TUBGCP6: variants seen among roughly 807,000 people sequenced by gnomAD.
TUBGCP6 encodes gamma-tubulin complex component 6.
Under a neutral mutation model 175.8 loss-of-function variants are expected in TUBGCP6, and 161 were observed. That is an observed-to-expected ratio of 0.92 (90% CI 0.81 to 1.04). The LOEUF is 1.04. Among genes scored for constraint, TUBGCP6 ranks in the 50% least tolerant of loss-of-function variants. TUBGCP6 has a pLI of 0.00. For missense variants in TUBGCP6, 2,572 were observed against 2,433.0 expected (o/e 1.06, Z -1.20); for synonymous variants, 1,173 against 1,030.5 (o/e 1.14, Z -2.65).
At chr22:50,240,114 G>C (rs948706106) in intron 2 of TUBGCP6, 90 bp downstream of exon 2, 1 of 1,555,300 alleles carries the variant, frequency 6.4e-7, no homozygotes, top group African/African-American at 1.4e-5. Flanking sequence ...CTGGACCCCT[G>C]AGTACACAAC....
Position 50,219,040 on chromosome 22 carries a change from C to A in TUBGCP6, c.4626+28G>T, listed in dbSNP as rs137904544. On this transcript the variant is annotated intron_variant, in intron 20 of 24. Coordinates refer to ENST00000248846, the MANE Select transcript of TUBGCP6 (RefSeq NM_020461.4). ...TTTTCCCACGGCCTCCCCTCTACCACTGGCCCCACCCCGTGTCCGGAGGCC... is the reference window on the plus strand; with the variant it reads ...TTTTCCCACGGCCTCCCCTCTACCAATGGCCCCACCCCGTGTCCGGAGGCC... 4.9e-4 allele frequency: 789 copies of A among 1,610,380 alleles called. 5 individuals are homozygous for A. The highest frequency in any genetic ancestry group is 6.2e-4 in the Middle Eastern group (3 of 4,824).
At chr22:50,231,878 A>C (rs1302116598) in intron 3 of TUBGCP6, among the ~76,000 whole-genome samples, 1 of 151,562 alleles carries the variant, frequency 6.6e-6, no homozygotes, top group African/African-American at 2.4e-5. Context: ...AAAAAAAGAA[A>C]AGATGACTAT....
intron 5 of TUBGCP6, 112 bp downstream of exon 5, chr22:50,227,795 G>C: frequency 6.9e-6 from 10 of 1,442,456 alleles, no homozygotes; most frequent in Non-Finnish European, 9.3e-6. Flanking sequence ...GCCTGCTGAG[G>C]GCTGTTCTCA....
chr22:50,239,213 G>A (rs2064811389), intron 2 of TUBGCP6, among the ~76,000 whole-genome samples: 1 of 152,160 alleles, frequency 6.6e-6, no homozygotes, highest in Non-Finnish European at 1.5e-5. Flanking sequence ...ATCTCACTCT[G>A]TCACCCAGGC....
At position 50,233,321 on chromosome 22, in the gene TUBGCP6, A is replaced by G; in HGVS notation, c.1111T>C (p.Cys371Arg). The G allele has an allele frequency of 6.2e-7, 1 of 1,612,748 alleles. No individual in the cohort carries two copies. Among genetic ancestry groups the G allele is most frequent in the East Asian group, 2.2e-5 (1 of 44,742 alleles). The change falls in exon 3 of 25, where the codon TGC becomes CGC. Residue 371 changes from cysteine (C) to arginine (R), a missense_variant. Coordinates refer to ENST00000248846, the MANE Select transcript of TUBGCP6 (RefSeq NM_020461.4). The stretch of plus-strand genomic sequence containing the variant: ...GGGGAGTGAGCAGTTCTCACCTGGC[A>G]GAGCGAAAACGTGGCAGACACGACC... Reference protein sequence around the residue: ...IGVVSATFSLCQPAQAFVVKR... With the variant: ...IGVVSATFSLRQPAQAFVVKR...
At chr22:50,242,091 G>A (rs74845370) in intron 1 of TUBGCP6, among the ~76,000 whole-genome samples, 3,595 of 150,876 alleles carry the variant, frequency 0.024, 88 homozygotes, top group East Asian at 0.12. Flanking sequence ...AGGAGATAGA[G>A]ACCATCCTGG....
intron 3 of TUBGCP6, among the ~76,000 whole-genome samples, chr22:50,230,340 C>T (rs550639699): frequency 1.3e-5 from 2 of 152,198 alleles, no homozygotes; most frequent in East Asian, 1.9e-4. Flanking sequence ...GGCATGGTGG[C>T]TCACGCCTGT....
chr22:50,233,649 T>G, intron 2 of TUBGCP6, 123 bp from the exon 3 acceptor site: 14 of 955,064 alleles, frequency 1.5e-5, no homozygotes, highest in Non-Finnish European at 1.9e-5. Context: ...CAATAAACTC[T>G]AAGAAACATA....
At chr22:50,224,030 G>GT (rs2064567806) in intron 13 of TUBGCP6, 111 bp downstream of exon 13, 1 of 943,186 alleles carries the variant, frequency 1.1e-6, no homozygotes, top group African/African-American at 1.6e-5. Flanking sequence ...CTACCTTAAT[G>GT]TATGTTTGAA....
intron 18 of TUBGCP6, 74 bp downstream of exon 18, chr22:50,219,570 C>T (rs910764426): frequency 2.1e-5 from 34 of 1,592,978 alleles, no homozygotes; most frequent in Non-Finnish European, 2.9e-5. Context: ...TCCGCCCCAA[C>T]CCACAGGAGG....
chr22:50,220,137 T>C (rs2064491859), intron 16 of TUBGCP6, 114 bp downstream of exon 16: 1 of 1,549,442 alleles, frequency 6.5e-7, no homozygotes, highest in African/African-American at 1.4e-5. Flanking sequence ...AGGTCCTGGC[T>C]GACAAGGAGG....
rs369748358 is a variant in TUBGCP6 at position 50,219,059 on chromosome 22, G to A, written c.4626+9C>T. On this transcript the variant is annotated intron_variant, in intron 20 of 24. Coordinates refer to ENST00000248846, the MANE Select transcript of TUBGCP6 (RefSeq NM_020461.4). ...CTACCACTGGCCCCACCCCGTGTCC[G>A]GAGGCCACCTTCTCAAAGAGCAGGT... The A allele has an allele frequency of 4.7e-5, 76 of 1,611,502 alleles. No homozygotes were observed. Among genetic ancestry groups the A allele is most frequent in the East Asian group, 2.9e-4 (13 of 44,868 alleles).
rs745400197 is a variant in TUBGCP6 at position 50,243,833 on chromosome 22, G to T, written c.627C>A (p.Asp209Glu). ...GGGCCCCGAAGAGCGAGACCCGGGTGTCTCTCTCGAACCTGTCACCACAAG... is the reference window on the plus strand; with the variant it reads ...GGGCCCCGAAGAGCGAGACCCGGGTTTCTCTCTCGAACCTGTCACCACAAG... ...GDPCGDRFER[D>E]TRVSLFGALV... The change falls in exon 1 of 25, where the codon GAC (aspartate) becomes GAA (glutamate). Residue 209 changes from aspartate to glutamate, a missense_variant. Physicochemically the swap from Asp to Glu is conservative, Grantham distance 45. Coordinates refer to ENST00000248846, the MANE Select transcript of TUBGCP6 (RefSeq NM_020461.4). 1.2e-6 allele frequency: 2 copies of T among 1,613,624 alleles called. No individual in the cohort carries two copies. Among genetic ancestry groups the T allele is most frequent in the Admixed American group, 1.7e-5 (1 of 60,004 alleles).
chr22:50,224,350 T>C lies in TUBGCP6; in HGVS notation c.2136A>G (p.Gln712=), dbSNP rs1281069626. ...TACCCACCTCCTGGTCCTTCACAAATTGTTCTTTCAGCCTCTGAAACTGCT... is the reference window on the plus strand; with the variant it reads ...TACCCACCTCCTGGTCCTTCACAAACTGTTCTTTCAGCCTCTGAAACTGCT... The part of the protein sequence containing the change: ...KREQFQRLKE[Q]FVKDQERRQA... Residue 712 remains glutamine, a synonymous_variant, in exon 12 of 25, where the codon CAA becomes CAG. Transcript: ENST00000248846. The C allele has an allele frequency of 5.0e-6, 8 of 1,614,200 alleles. No individual in the cohort carries two copies. The highest frequency in any genetic ancestry group is 2.2e-5 in the East Asian group (1 of 44,892).
chr22:50,217,873 C>T, intron 24 of TUBGCP6, 45 bp downstream of exon 24: 3 of 1,606,826 alleles, frequency 1.9e-6, no homozygotes, highest in Non-Finnish European at 2.6e-6. Context: ...AGTGTGAGCC[C>T]CGCCCTGGCC....
chr22:50,229,288 G>C, intron 4 of TUBGCP6, 116 bp downstream of exon 4: 1 of 1,185,392 alleles, frequency 8.4e-7, no homozygotes, highest in Non-Finnish European at 1.2e-6. Context: ...ATGTTAGCAA[G>C]GAAAGAAAAG....
intron 7 of TUBGCP6, 56 bp downstream of exon 7, chr22:50,226,677 A>C (rs936286439): frequency 8.4e-6 from 12 of 1,420,832 alleles, no homozygotes; most frequent in African/African-American, 1.4e-5. Flanking sequence ...GACCGCTCTC[A>C]AGTGTCTGCC....
chr22:50,233,251 G>C, intron 3 of TUBGCP6, 65 bp downstream of exon 3: 1 of 1,555,748 alleles, frequency 6.4e-7, no homozygotes. Flanking sequence ...ATAAAGGGCT[G>C]GGCACTGCGT....
Position 50,219,124 on chromosome 22 carries a change from G to A in TUBGCP6, c.4570C>T (p.Leu1524=), listed in dbSNP as rs144402956. 4.3e-6 allele frequency: 7 copies of A among 1,613,096 alleles called. No homozygotes were observed. Among genetic ancestry groups the A allele is most frequent in the African/African-American group, 4.0e-5 (3 of 74,940 alleles). Residue 1524 remains leucine, a synonymous_variant, in exon 20 of 25, where the codon CTG becomes TTG. Coordinates refer to ENST00000248846, the MANE Select transcript of TUBGCP6 (RefSeq NM_020461.4). The part of the protein sequence containing the change: ...EAHYEALRHF[L]LMEDGEFAQS... ...GCGAACTCGCCGTCCTCCATCAGCA[G>A]GAAGTGCCGCAGTGCCTCATAGTGC...
Sources: gnomAD v4.1 joint callset for allele counts (sites outside exome capture counted in the v4.1 genomes callset) on GRCh38, gnomAD v4.1.1 for gene constraint, MANE v1.5 for transcripts, NCBI Gene and HGNC (gene_info 2026-07-23, HGNC 2026-07-21) for gene names.